ZNF503: variants seen among roughly 807,000 people sequenced by gnomAD.
The protein encoded by ZNF503 is zinc finger protein 503.
A neutral mutation model predicts 34.4 loss-of-function variants in ZNF503; 15 were observed. That is an observed-to-expected ratio of 0.44 (90% CI 0.29 to 0.67). The LOEUF (loss-of-function observed/expected upper bound fraction) is 0.67. Among genes scored for constraint, ZNF503 ranks in the 30% least tolerant of loss-of-function variants. The pLI is 0.13. For missense variants in ZNF503, 1,007 were observed against 926.8 expected (o/e 1.09, Z -1.12); for synonymous variants, 580 against 456.8 (o/e 1.27, Z -3.44).
chr10:75,360,775 G>C, the ZNF503 span: 1 of 152,228 alleles, frequency 6.6e-6, no homozygotes, highest in African/African-American at 2.4e-5. Context: ...TCCAAGCACA[G>C]AGAAATCAAA....
chr10:75,334,010 T>C, the ZNF503 span, among the ~76,000 whole-genome samples: 4 of 113,424 alleles, frequency 3.5e-5, no homozygotes, highest in Admixed American at 1.7e-4. Context: ...CCTCACTTCC[T>C]AGATGGGATG....
the ZNF503 span, among the ~76,000 whole-genome samples, chr10:75,390,252 C>G: frequency 1.3e-5 from 2 of 152,094 alleles, no homozygotes; most frequent in African/African-American, 2.4e-5. Context: ...GCCTTTCCAC[C>G]CAGCTTTGCT....
the ZNF503 span, among the ~76,000 whole-genome samples, chr10:75,320,429 C>T: frequency 1.1e-4 from 16 of 151,896 alleles, no homozygotes; most frequent in Non-Finnish European, 2.1e-4. Flanking sequence ...TGCAGTGAGC[C>T]GAGATCGCAC....
At chr10:75,286,520 C>T in the ZNF503 span, among the ~76,000 whole-genome samples, 1,678 of 152,230 alleles carry the variant, frequency 0.011, 91 homozygotes, top group East Asian at 0.17. Context: ...CAGAAAACTG[C>T]CTCTTCTCTT....
the ZNF503 span, among the ~76,000 whole-genome samples, chr10:75,285,659 A>G: frequency 6.6e-6 from 1 of 152,240 alleles, no homozygotes; most frequent in Non-Finnish European, 1.5e-5. Context: ...CATGATAGGA[A>G]TATTTACACT....
chr10:75,340,721 C>T, the ZNF503 span, among the ~76,000 whole-genome samples: 7 of 152,276 alleles, frequency 4.6e-5, no homozygotes, highest in Admixed American at 4.6e-4. Context: ...GCCTCAGCCT[C>T]CCAAGTAGCT....
chr10:75,315,130 C>T, the ZNF503 span, among the ~76,000 whole-genome samples: 25 of 152,152 alleles, frequency 1.6e-4, no homozygotes, highest in Admixed American at 7.2e-4. Flanking sequence ...GAAGTCAAGG[C>T]AGGAGGATTG....
the ZNF503 span, among the ~76,000 whole-genome samples, chr10:75,291,864 G>T: frequency 0.014 from 2,156 of 152,284 alleles, 68 homozygotes; most frequent in African/African-American, 0.049. Context: ...GTAGAGGAGG[G>T]GTCAGCTGCA....
At chr10:75,385,102 C>T in the ZNF503 span, among the ~76,000 whole-genome samples, 1 of 152,100 alleles carries the variant, frequency 6.6e-6, no homozygotes, top group Non-Finnish European at 1.5e-5. Flanking sequence ...AAGGACAGAG[C>T]CTAGGGGAGG....
chr10:75,401,366 G>A lies in ZNF503; in HGVS notation c.54C>T (p.Gly18=), dbSNP rs576950953. The A allele has an allele frequency of 2.0e-6, 3 of 1,499,378 alleles. No individual in the cohort carries two copies. The highest frequency in any genetic ancestry group is 1.4e-5 in the African/African-American group (1 of 72,374). The allele number at this position is 1,499,378 out of a possible 1,614,324, so 92.9% of individuals were successfully genotyped here. A position where few individuals can be genotyped will look rare whatever the true frequency, so the allele number is the denominator to read the frequency against. ...CGCCGCCTCCGCCTCCGCCGCCGCC[G>A]CCGCCGCTGTGCTTACTGCTTCTTA... ...SALRSSKHSG[G]GGGGGGGGGA... Residue 18 remains glycine, a synonymous_variant, in exon 1 of 2, where the codon GGC becomes GGT. Transcript: ENST00000372524.
At chr10:75,375,494 A>C in the ZNF503 span, among the ~76,000 whole-genome samples, 6 of 152,112 alleles carry the variant, frequency 3.9e-5, no homozygotes, top group African/African-American at 1.4e-4. Flanking sequence ...TTTCCAAACT[A>C]TCTGACCATG....
the ZNF503 span, among the ~76,000 whole-genome samples, chr10:75,288,001 G>A: frequency 4.5e-4 from 68 of 152,288 alleles, no homozygotes; most frequent in Admixed American, 1.4e-3. Flanking sequence ...GGAGATGCAC[G>A]GCTGAGCGAG....
chr10:75,401,600 G>C lies in ZNF503; in HGVS notation c.-181C>G, dbSNP rs972067667. 4.2e-6 allele frequency: 3 copies of C among 716,684 alleles called. No homozygotes were observed. The highest frequency in any genetic ancestry group is 6.8e-6 in the Non-Finnish European group (3 of 442,076). The allele number at this position is 716,684 out of a possible 1,614,324, so 44.4% of individuals were successfully genotyped here. Reference sequence around the variant, plus strand: ...AGCCAGACGCGAGTAATCCTGGGTGGCCCGCAGCGGAGCCGTGGCCGGGCT... The same window carrying C: ...AGCCAGACGCGAGTAATCCTGGGTGCCCCGCAGCGGAGCCGTGGCCGGGCT... On this transcript the variant is annotated 5_prime_UTR_variant, in exon 1 of 2. Coordinates refer to ENST00000372524, the MANE Select transcript of ZNF503 (RefSeq NM_032772.6).
chr10:75,326,668 T>A, the ZNF503 span, among the ~76,000 whole-genome samples: 1 of 151,840 alleles, frequency 6.6e-6, no homozygotes. Context: ...TCTTGACACA[T>A]AATTAATTGT....
At chr10:75,362,417 T>A in the ZNF503 span, among the ~76,000 whole-genome samples, 41 of 152,106 alleles carry the variant, frequency 2.7e-4, no homozygotes, top group Admixed American at 2.7e-3. Context: ...TGACCATTTC[T>A]GGGAAGTCCC....
the ZNF503 span, among the ~76,000 whole-genome samples, chr10:75,362,136 T>C: frequency 1.3e-5 from 2 of 152,150 alleles, no homozygotes; most frequent in African/African-American, 2.4e-5. Context: ...AGCCCTAACT[T>C]CACTGGAGAA....
rs1194501552 is a variant in ZNF503 at position 75,398,723 on chromosome 10, TCCCTCGCTCG to T, written c.*16_*25del. The T allele has an allele frequency of 7.4e-7, 1 of 1,356,056 alleles. No individual in the cohort carries two copies. The highest frequency in any genetic ancestry group is 9.4e-7 in the Non-Finnish European group (1 of 1,059,192). The allele number at this position is 1,356,056 out of a possible 1,614,324, so 84.0% of individuals were successfully genotyped here. On this transcript the variant is annotated 3_prime_UTR_variant, in exon 2 of 2. Transcript: ENST00000372524. ...TCCTCCCCTCCCCCTCTCCCTCCTC[TCCCTCGCTCG>T]CCCTCCCGGCCGCCCTCACTGATAC... is the stretch of plus-strand genomic sequence containing the variant.
chr10:75,345,156 A>G, the ZNF503 span, among the ~76,000 whole-genome samples: 177 of 152,308 alleles, frequency 1.2e-3, no homozygotes, highest in African/African-American at 4.0e-3. Flanking sequence ...TGTGACAAGG[A>G]ATGCTGTGAT....
the ZNF503 span, chr10:75,361,766 C>T: frequency 6.6e-6 from 1 of 152,148 alleles, no homozygotes; most frequent in Non-Finnish European, 1.5e-5. Context: ...TTGATGCCCC[C>T]ATAAATCTAG....
Sources: gnomAD v4.1 joint callset for allele counts (sites outside exome capture counted in the v4.1 genomes callset) on GRCh38, gnomAD v4.1.1 for gene constraint, MANE v1.5 for transcripts, NCBI Gene and HGNC (gene_info 2026-07-23, HGNC 2026-07-21) for gene names.